Variants in LRRC72 observed in about 807,000 individuals in gnomAD.
The protein encoded by LRRC72 is leucine rich repeat containing 72.
LRRC72 carries 41 observed loss-of-function variants against 35.8 expected under a neutral mutation model. The observed-to-expected ratio is 1.15, with a 90% CI of 0.89 to 1.49. LRRC72 has a LOEUF of 1.49. Ranked by LOEUF, LRRC72 falls within the 40% of genes most tolerant of loss-of-function variation. The pLI, the probability that LRRC72 is intolerant of heterozygous loss-of-function variation, is 0.00. For missense variants in LRRC72, 389 were observed against 330.7 expected (o/e 1.18, Z -1.37); for synonymous variants, 118 against 119.2 (o/e 0.99, Z 0.07).
At position 16,537,815 on chromosome 7, in the gene LRRC72, A is replaced by G. The variant is rs1269445484; in HGVS notation, c.234+119A>G. On this transcript the variant is annotated intron_variant, in intron 3 of 8. Transcript: ENST00000401542. ...TTTGCTTAAAATTTAAATTGAGCTA[A>G]GAAACCCATATAAAACATATATATC... 1.2e-5 allele frequency: 7 copies of G among 602,506 alleles called. 1 individual carries two copies. Among genetic ancestry groups the G allele is most frequent in the African/African-American group, 7.6e-5 (4 of 52,672 alleles). The allele number at this position is 602,506 out of a possible 1,614,324, so 37.3% of individuals were successfully genotyped here.
chr7:16,578,530 A>T (rs981028262), intron 7 of LRRC72, among the ~76,000 whole-genome samples: 1 of 152,178 alleles, frequency 6.6e-6, no homozygotes, highest in Non-Finnish European at 1.5e-5. Flanking sequence ...AACCACACAC[A>T]TTGAAAAAAT....
rs114758455 is a variant in LRRC72 at position 16,549,617 on chromosome 7, C to T, written c.235-7743C>T. Among the ~76,000 whole-genome samples, 893 of 152,208 alleles carry T rather than the reference C, an allele frequency of 5.9e-3. 11 individuals carry two copies. The highest frequency in any genetic ancestry group is 0.02 in the African/African-American group (834 of 41,500). On this transcript the variant is annotated intron_variant, in intron 3 of 8. Transcript: ENST00000401542. Reference sequence around the variant, plus strand: ...ACCAGAATTAACTTTCAACTGTCTCCGCTTCTTTGCATGAATAGCTCTTGA... The same window carrying T: ...ACCAGAATTAACTTTCAACTGTCTCTGCTTCTTTGCATGAATAGCTCTTGA...
chr7:16,554,715 CT>C (rs1278994820), intron 3 of LRRC72, among the ~76,000 whole-genome samples: 1 of 152,194 alleles, frequency 6.6e-6, no homozygotes, highest in Non-Finnish European at 1.5e-5. Context: ...TTCACTCCCC[CT>C]TACCTTCACA....
At position 16,532,327 on chromosome 7, in the gene LRRC72, G is replaced by T. The variant is rs116282818; in HGVS notation, c.91-168G>T. Among the ~76,000 whole-genome samples the T allele has an allele frequency of 5.4e-3, 816 of 152,200 alleles. 4 individuals are homozygous for T. The highest frequency in any genetic ancestry group is 0.019 in the African/African-American group (782 of 41,546). Reference sequence around the variant, plus strand: ...GATAATGAAATTCAACCACAAAAATGAGTAAATAATATATAATTGTAGCCT... The same window carrying T: ...GATAATGAAATTCAACCACAAAAATTAGTAAATAATATATAATTGTAGCCT... On this transcript the variant is annotated intron_variant, in intron 1 of 8. Transcript: ENST00000401542.
At chr7:16,569,710 G>GGAAGA (rs909176053) in intron 7 of LRRC72, among the ~76,000 whole-genome samples, 2 of 151,750 alleles carry the variant, frequency 1.3e-5, no homozygotes, top group Admixed American at 6.6e-5. Flanking sequence ...AGAGAGGAAG[G>GGAAGA]GAAGGGAAGG....
rs1783141866 is a variant in LRRC72, at chr7:16,581,483, G to A, written c.858G>A (p.Leu286=). Residue 286 remains leucine (L), a synonymous_variant, in exon 9 of 9, where the codon CTG becomes CTA. Transcript: ENST00000401542. ...CAGCTCAAATGCTCACAGTTACACT[G>A]AGATAAGCCCTGGTATTTCTAGATA... The part of the protein sequence containing the change: ...TETAQMLTVT[L]R The A allele has an allele frequency of 6.5e-7, 1 of 1,543,548 alleles. No homozygotes were observed. Among genetic ancestry groups the A allele is most frequent in the African/African-American group, 1.4e-5 (1 of 72,770 alleles).
At chr7:16,534,542 G>T (rs902177016) in intron 2 of LRRC72, among the ~76,000 whole-genome samples, 5 of 152,004 alleles carry the variant, frequency 3.3e-5, no homozygotes, top group African/African-American at 1.2e-4. Context: ...AAAAATTAAT[G>T]ACAGTAACTT....
At chr7:16,552,214 CA>C (rs1782565080) in intron 3 of LRRC72, among the ~76,000 whole-genome samples, 1 of 152,094 alleles carries the variant, frequency 6.6e-6, no homozygotes, top group Admixed American at 6.5e-5. Flanking sequence ...CAGGAACATT[CA>C]AAAGTTTTCT....
chr7:16,567,649 T>G (rs1782872475), intron 7 of LRRC72, 106 bp downstream of exon 7: 4 of 937,110 alleles, frequency 4.3e-6, no homozygotes, highest in Non-Finnish European at 5.9e-6. Context: ...ACAATAAACT[T>G]AAGTATCTAT....
Position 16,526,882 on chromosome 7 carries a change from AGT to A in LRRC72, c.-70_-69del, listed in dbSNP as rs1491580818. On this transcript the variant is annotated 5_prime_UTR_variant, in exon 1 of 9. Transcript: ENST00000401542. ...GAACAACGAGCTGTGCACCAAGCCA[AGT>A]CTCTCTTCGGTGCCACCGGCGGGCG... The A allele has an allele frequency of 8.0e-6, 10 of 1,255,460 alleles. No homozygotes were observed. In the African/African-American group the frequency reaches 1.5e-4, roughly 19 times the overall value. The allele number at this position is 1,255,460 out of a possible 1,614,324, so 77.8% of individuals were successfully genotyped here.
At chr7:16,566,485 A>T in intron 6 of LRRC72, 83 bp downstream of exon 6, 1 of 723,198 alleles carries the variant, frequency 1.4e-6, no homozygotes, top group Non-Finnish European at 2.2e-6. Context: ...CTACCTTTGA[A>T]AATATGTCTT....
rs536779416 is a variant in LRRC72 at position 16,534,965 on chromosome 7, A to G, written c.164+2397A>G. 2.6e-5 allele frequency among the ~76,000 whole-genome samples: 4 copies of G among 152,342 alleles called. No homozygotes were observed. The East Asian group carries it at 7.7e-4, about 29-fold the overall frequency. Reference sequence around the variant, plus strand: ...ATAATCCCAACACGTTGAGAGGCTGAGACAGGTGGATCACCTGAGCCCAGG... The same window carrying G: ...ATAATCCCAACACGTTGAGAGGCTGGGACAGGTGGATCACCTGAGCCCAGG... On this transcript the variant is annotated intron_variant, in intron 2 of 8. Coordinates refer to ENST00000401542, the MANE Select transcript of LRRC72 (RefSeq NM_001195280.2).
chr7:16,548,183 C>T (rs559583042), intron 3 of LRRC72, among the ~76,000 whole-genome samples: 1 of 152,328 alleles, frequency 6.6e-6, no homozygotes, highest in African/African-American at 2.4e-5. Flanking sequence ...TGCAGGTCTT[C>T]TCTAAGGTGT....
In LRRC72 at chr7:16,572,260, T is replaced by C. The variant is rs6976808; in HGVS notation, c.670+4717T>C. Among the ~76,000 whole-genome samples, 677 of 152,328 alleles carry C rather than the reference T, an allele frequency of 4.4e-3. 5 individuals are homozygous for C. Among genetic ancestry groups the C allele is most frequent in the African/African-American group, 0.015 (644 of 41,558 alleles). On this transcript the variant is annotated intron_variant, in intron 7 of 8. Transcript: ENST00000401542. ...GAGCTAGTACCATTCCTTCTGGAAC[T>C]ATTTTAAACCATAGAAAAAGAGGAA... is the stretch of plus-strand genomic sequence containing the variant.
At chr7:16,566,436 G>A (rs1280411645) in intron 6 of LRRC72, 34 bp downstream of exon 6, 2 of 1,419,316 alleles carry the variant, frequency 1.4e-6, no homozygotes. Flanking sequence ...AGAAATATTT[G>A]AGAAGTAGTC....
intron 2 of LRRC72, among the ~76,000 whole-genome samples, chr7:16,535,592 C>T (rs1782240021): frequency 6.6e-6 from 1 of 152,114 alleles, no homozygotes; most frequent in African/African-American, 2.4e-5. Context: ...AGATATTTGC[C>T]TCATGTATGA....
intron 3 of LRRC72, among the ~76,000 whole-genome samples, chr7:16,551,765 A>AT (rs1195304447): frequency 6.6e-6 from 1 of 151,106 alleles, no homozygotes; most frequent in Non-Finnish European, 1.5e-5. Context: ...AATATCCTTT[A>AT]TTAAAAAAAA....
chr7:16,579,091 G>A (rs1422287801), intron 7 of LRRC72, among the ~76,000 whole-genome samples: 1 of 152,172 alleles, frequency 6.6e-6, no homozygotes, highest in African/African-American at 2.4e-5. Context: ...AGTTTACTAA[G>A]AGAGTAGATC....
chr7:16,574,021 T>G (rs533332217), intron 7 of LRRC72, among the ~76,000 whole-genome samples: 26 of 152,264 alleles, frequency 1.7e-4, no homozygotes, highest in African/African-American at 6.0e-4. Flanking sequence ...AAAGAAAACA[T>G]TTATGCAGCC....
Sources: gnomAD v4.1 joint callset for allele counts (sites outside exome capture counted in the v4.1 genomes callset) on GRCh38, gnomAD v4.1.1 for gene constraint, MANE v1.5 for transcripts, NCBI Gene and HGNC (gene_info 2026-07-23, HGNC 2026-07-21) for gene names.